PRKG1: variants seen among roughly 807,000 people sequenced by gnomAD.
PRKG1 encodes protein kinase cGMP-dependent 1.
In PRKG1, 35 loss-of-function variants were observed where a neutral mutation model predicts 88.1. The observed-to-expected ratio is 0.40, with a 90% CI of 0.30 to 0.53. The LOEUF (loss-of-function observed/expected upper bound fraction) is 0.53, where lower values mean the gene tolerates loss of function less well. Ranked by LOEUF, PRKG1 falls within the 20% of genes least tolerant of loss-of-function variation. The probability of loss-of-function intolerance (pLI) is 0.59; values close to 1 mark genes in which losing one functional copy is unlikely to be tolerated. For missense variants in PRKG1, 540 were observed against 839.8 expected (o/e 0.64, Z 4.41); for synonymous variants, 303 against 292.5 (o/e 1.04, Z -0.37).
At chr10:51,967,304 T>C (rs999409419) in intron 5 of PRKG1, among the ~76,000 whole-genome samples, 8 of 151,932 alleles carry the variant, frequency 5.3e-5, no homozygotes, top group African/African-American at 1.7e-4. Context: ...AGCAAACTAT[T>C]GCAAGGACAA....
chr10:51,298,550 T>G (rs1840783810), intron 2 of PRKG1, among the ~76,000 whole-genome samples: 1 of 152,180 alleles, frequency 6.6e-6, no homozygotes, highest in African/African-American at 2.4e-5. Flanking sequence ...TATTACACAC[T>G]TACTTCTCTC....
At chr10:51,609,099 A>G (rs1289662854) in intron 3 of PRKG1, among the ~76,000 whole-genome samples, 2 of 151,884 alleles carry the variant, frequency 1.3e-5, no homozygotes, top group Admixed American at 6.6e-5. Context: ...TTTATTTATT[A>G]TTATTATACT....
chr10:51,433,657 C>T (rs951526364), intron 2 of PRKG1, among the ~76,000 whole-genome samples: 13 of 152,068 alleles, frequency 8.5e-5, no homozygotes, highest in Admixed American at 2.6e-4. Flanking sequence ...CACGTCCCAC[C>T]GTGTGGGTGG....
intron 7 of PRKG1, among the ~76,000 whole-genome samples, chr10:52,119,597 A>G (rs781083235): frequency 1.3e-4 from 20 of 152,346 alleles, no homozygotes; most frequent in Non-Finnish European, 2.6e-4. Flanking sequence ...AAAAAAGTGA[A>G]TAAATATTTT....
chr10:52,134,774 C>T (rs1039137371), intron 8 of PRKG1, among the ~76,000 whole-genome samples: 9 of 152,132 alleles, frequency 5.9e-5, no homozygotes, highest in East Asian at 1.9e-4. Flanking sequence ...AGCTGGATGC[C>T]GAGCTCAGAG....
At chr10:51,686,258 G>A (rs926330215) in intron 3 of PRKG1, among the ~76,000 whole-genome samples, 5 of 152,108 alleles carry the variant, frequency 3.3e-5, no homozygotes, top group Non-Finnish European at 5.9e-5. Context: ...CAGGTAATAA[G>A]CATAGTACCC....
At chr10:51,830,553 T>C (rs1051090371) in intron 4 of PRKG1, among the ~76,000 whole-genome samples, 5 of 93,694 alleles carry the variant, frequency 5.3e-5, no homozygotes, top group Admixed American at 3.7e-4. Flanking sequence ...AAAGTGTTTT[T>C]TTTTTTGTTT....
At chr10:51,221,657 C>T (rs1163977769) in intron 2 of PRKG1, among the ~76,000 whole-genome samples, 2 of 149,474 alleles carry the variant, frequency 1.3e-5, no homozygotes, top group African/African-American at 2.5e-5. Flanking sequence ...TTTTCCTAAC[C>T]ATGTTCTGCA....
At chr10:51,751,795 C>A (rs1837732648) in intron 3 of PRKG1, among the ~76,000 whole-genome samples, 1 of 151,456 alleles carries the variant, frequency 6.6e-6, no homozygotes, top group Non-Finnish European at 1.5e-5. Flanking sequence ...TCCAAAAGGC[C>A]AAAATTACCT....
intron 3 of PRKG1, among the ~76,000 whole-genome samples, chr10:51,778,588 C>CAA (rs1838502992): frequency 6.6e-6 from 1 of 152,086 alleles, no homozygotes; most frequent in African/African-American, 2.4e-5. Flanking sequence ...GTGAATTATT[C>CAA]TTAGTTTTAA....
chr10:51,730,948 G>C (rs1842257418), intron 3 of PRKG1, among the ~76,000 whole-genome samples: 1 of 152,186 alleles, frequency 6.6e-6, no homozygotes. Context: ...CTGAGGTCAG[G>C]AGTTCGAGAC....
chr10:52,293,438 G>C (rs553737928), intron 17 of PRKG1, among the ~76,000 whole-genome samples: 2 of 152,138 alleles, frequency 1.3e-5, no homozygotes, highest in East Asian at 1.9e-4. Flanking sequence ...AACCAAAAAA[G>C]AGCCTGCATC....
intron 2 of PRKG1, among the ~76,000 whole-genome samples, chr10:51,357,302 A>G (rs565711045): frequency 9.2e-5 from 14 of 151,948 alleles, no homozygotes; most frequent in African/African-American, 1.2e-4. Context: ...AATGTCTATG[A>G]CCAAGGAAGT....
intron 1 of PRKG1, among the ~76,000 whole-genome samples, chr10:51,029,767 G>T (rs541043116): frequency 6.6e-6 from 1 of 152,192 alleles, no homozygotes; most frequent in South Asian, 2.1e-4. Context: ...TGAAATCGTG[G>T]CTTTGATATG....
At chr10:52,244,023 T>C (rs985548633) in intron 9 of PRKG1, among the ~76,000 whole-genome samples, 2 of 152,094 alleles carry the variant, frequency 1.3e-5, no homozygotes, top group African/African-American at 2.4e-5. Context: ...GATTATATTT[T>C]CCAGAGTAAA....
chr10:52,062,685 G>A, intron 7 of PRKG1, 54 bp downstream of exon 7: 1 of 1,420,988 alleles, frequency 7.0e-7, no homozygotes, highest in Non-Finnish European at 9.8e-7. Context: ...ATAAATTTCT[G>A]TCTGAAATTT....
intron 4 of PRKG1, among the ~76,000 whole-genome samples, chr10:51,828,052 G>A (rs1839919339): frequency 6.6e-6 from 1 of 152,082 alleles, no homozygotes; most frequent in Non-Finnish European, 1.5e-5. Context: ...AGTCAGTAAT[G>A]ACTAATTTTA....
intron 2 of PRKG1, among the ~76,000 whole-genome samples, chr10:51,272,644 A>G (rs911611838): frequency 6.6e-6 from 1 of 152,176 alleles, no homozygotes. Flanking sequence ...TTTATGTTCT[A>G]GGGCTCCTTG....
chr10:51,184,588 G>A (rs1837434309), intron 2 of PRKG1, among the ~76,000 whole-genome samples: 1 of 152,102 alleles, frequency 6.6e-6, no homozygotes, highest in South Asian at 2.1e-4. Flanking sequence ...TGGTTGTGGT[G>A]AAACTAATGA....
Sources: gnomAD v4.1 joint callset for allele counts (sites outside exome capture counted in the v4.1 genomes callset) on GRCh38, gnomAD v4.1.1 for gene constraint, MANE v1.5 for transcripts, NCBI Gene and HGNC (gene_info 2026-07-23, HGNC 2026-07-21) for gene names.